UST: variants seen among roughly 807,000 people sequenced by gnomAD.
UST encodes the protein chondroitin sulfate 2-O-sulfotransferase.
A neutral mutation model predicts 45.6 loss-of-function variants in UST; 21 were observed. That is an observed-to-expected ratio of 0.46 (90% CI 0.33 to 0.66). The LOEUF (loss-of-function observed/expected upper bound fraction) is 0.66, where lower values mean the gene tolerates loss of function less well. Among genes scored for constraint, UST ranks in the 30% least tolerant of loss-of-function variants. The pLI, the probability that UST is intolerant of heterozygous loss-of-function variation, is 0.02. For missense variants in UST, 463 were observed against 512.4 expected, an observed-to-expected ratio of 0.90 and a Z score of 0.93; for synonymous variants, 215 against 200.6, an observed-to-expected ratio of 1.07 and a Z score of -0.61.
At chr6:149,009,392 A>G (rs1236145938) in intron 5 of UST, among the ~76,000 whole-genome samples, 2 of 152,186 alleles carry the variant, frequency 1.3e-5, no homozygotes, top group African/African-American at 4.8e-5. Flanking sequence ...ATTTAAACAC[A>G]TACACACACA....
intron 7 of UST, among the ~76,000 whole-genome samples, chr6:149,046,826 C>A (rs1776404309): frequency 6.6e-6 from 1 of 152,182 alleles, no homozygotes; most frequent in South Asian, 2.1e-4. Context: ...ACAATTGTTC[C>A]AAAGTCTCTC....
At chr6:148,831,177 C>A (rs898503562) in intron 1 of UST, among the ~76,000 whole-genome samples, 22 of 152,150 alleles carry the variant, frequency 1.4e-4, no homozygotes, top group African/African-American at 4.8e-4. Context: ...TTTCGTCTTT[C>A]TCACAGACTA....
intron 5 of UST, among the ~76,000 whole-genome samples, chr6:148,982,084 C>T (rs2114981551): frequency 7.1e-6 from 1 of 141,838 alleles, no homozygotes; most frequent in African/African-American, 2.5e-5. Context: ...CGAGTGAACT[C>T]CCTCCATCAA....
intron 1 of UST, among the ~76,000 whole-genome samples, chr6:148,851,729 GA>G (rs1441274852): frequency 6.6e-6 from 1 of 152,220 alleles, no homozygotes; most frequent in Non-Finnish European, 1.5e-5. Flanking sequence ...GGAATAGAAT[GA>G]TCAGAACATC....
intron 5 of UST, chr6:148,990,524 C>T (rs1259535556): frequency 2.0e-5 from 10 of 499,154 alleles, no homozygotes; most frequent in African/African-American, 1.0e-4. Context: ...GATATTCAGA[C>T]GTTCAGATTC....
intron 5 of UST, among the ~76,000 whole-genome samples, chr6:148,981,244 A>G (rs1022649448): frequency 2.6e-5 from 4 of 152,218 alleles, no homozygotes. Context: ...ATCTTATGAA[A>G]AGGTGTGACT....
At chr6:149,043,311 G>C (rs1298736253) in intron 7 of UST, among the ~76,000 whole-genome samples, 1 of 151,974 alleles carries the variant, frequency 6.6e-6, no homozygotes, top group Non-Finnish European at 1.5e-5. Context: ...AGGTCTCACT[G>C]TGCTGCCCAG....
At chr6:148,754,384 G>A (rs1776056528) in intron 1 of UST, among the ~76,000 whole-genome samples, 1 of 152,130 alleles carries the variant, frequency 6.6e-6, no homozygotes, top group Non-Finnish European at 1.5e-5. Context: ...GTGGTGATTT[G>A]TGAGATTTTT....
In UST at chr6:148,869,979, C is replaced by T. The variant is rs114114774; in HGVS notation, c.248-17007C>T. Among the ~76,000 whole-genome samples, 947 of 152,272 alleles carry T rather than the reference C, an allele frequency of 6.2e-3. 10 individuals are homozygous for T. The highest frequency in any genetic ancestry group is 0.022 in the African/African-American group (905 of 41,542). On this transcript the variant is annotated intron_variant, in intron 1 of 7. Transcript: ENST00000367463. ...GTGCATTGACACCAACCTTCATGCA[C>T]GTGACCCATAACCCAGCAAGAATTA... is the stretch of plus-strand genomic sequence containing the variant.
In UST at chr6:149,021,410, A is replaced by T; in HGVS notation, c.866A>T (p.Asp289Val). ...LLVGILEELE[D>V]VLLLLERFLP... The stretch of plus-strand genomic sequence containing the variant: ...GTGGGGATTCTTGAAGAGTTGGAAG[A>T]TGTGCTGCTGTTACTGGAAAGATTT... Residue 289 changes from aspartate to valine, a missense_variant, in exon 7 of 8, where the codon GAT becomes GTT. This residue lies in a region of UST where 287 missense variants were observed against 374.2 expected (regional missense o/e 0.77). Coordinates refer to ENST00000367463, the MANE Select transcript of UST (RefSeq NM_005715.3). 6.2e-7 allele frequency: 1 copy of T among 1,614,190 alleles called. No homozygotes were observed. The highest frequency in any genetic ancestry group is 8.5e-7 in the Non-Finnish European group (1 of 1,180,038).
intron 4 of UST, chr6:148,955,718 C>CT (rs1333271464): frequency 2.6e-5 from 4 of 152,248 alleles, no homozygotes; most frequent in Admixed American, 2.6e-4. Context: ...TTCCCTGATC[C>CT]TTGCTGTTCT....
At chr6:148,897,509 A>G (rs1014759546) in intron 2 of UST, among the ~76,000 whole-genome samples, 1 of 138,186 alleles carries the variant, frequency 7.2e-6, no homozygotes, top group Admixed American at 7.3e-5. Context: ...TTTTTTTTTT[A>G]GAGACACAGT....
At chr6:148,984,916 T>A (rs189868381) in intron 5 of UST, among the ~76,000 whole-genome samples, 1 of 152,282 alleles carries the variant, frequency 6.6e-6, no homozygotes, top group Admixed American at 6.5e-5. Context: ...CCAAGAGGAA[T>A]GGATAAAGAC....
At chr6:148,754,540 T>A (rs1776059368) in intron 1 of UST, among the ~76,000 whole-genome samples, 1 of 152,222 alleles carries the variant, frequency 6.6e-6, no homozygotes, top group Non-Finnish European at 1.5e-5. Context: ...CTCCCACTTA[T>A]GAGTGAGAAC....
intron 1 of UST, among the ~76,000 whole-genome samples, chr6:148,766,332 T>G (rs1294534609): frequency 6.6e-6 from 1 of 152,080 alleles, no homozygotes; most frequent in Non-Finnish European, 1.5e-5. Context: ...TGTTCTCCTA[T>G]CACTCTCACC....
intron 1 of UST, among the ~76,000 whole-genome samples, chr6:148,843,551 C>T (rs1334501456): frequency 6.6e-6 from 1 of 152,174 alleles, no homozygotes; most frequent in East Asian, 1.9e-4. Flanking sequence ...CAAGTTGTCT[C>T]ATTTAATCAT....
chr6:148,992,935 T>A, intron 5 of UST: 2 of 943,604 alleles, frequency 2.1e-6, no homozygotes, highest in Non-Finnish European at 2.5e-6. Flanking sequence ...ATAAAATACT[T>A]AGGATTACAA....
At chr6:149,016,942 G>A (rs2115017351) in intron 5 of UST, among the ~76,000 whole-genome samples, 2 of 152,332 alleles carry the variant, frequency 1.3e-5, no homozygotes, top group Middle Eastern at 3.4e-3. Context: ...GTTCCAAGGG[G>A]AGGCCAACTA....
At chr6:148,907,707 G>A (rs1179583394) in intron 2 of UST, among the ~76,000 whole-genome samples, 2 of 152,106 alleles carry the variant, frequency 1.3e-5, no homozygotes, top group Non-Finnish European at 2.9e-5. Context: ...AATCCCCGAT[G>A]CAGAGAACAT....
Sources: allele counts gnomAD v4.1 joint callset (sites outside exome capture counted in the v4.1 genomes callset), GRCh38; gene constraint gnomAD v4.1.1; regional missense constraint gnomAD v4.1.1; transcripts MANE v1.5; gene names NCBI Gene and HGNC (gene_info 2026-07-23, HGNC 2026-07-21).